Variants in XXYLT1 observed in about 807,000 individuals in gnomAD.
The protein encoded by XXYLT1 is xyloside xylosyltransferase 1.
A neutral mutation model predicts 28.9 loss-of-function variants in XXYLT1; 20 were observed. The ratio of observed to expected loss-of-function variants is 0.69; its 90% CI spans 0.49 to 1.00. The LOEUF (loss-of-function observed/expected upper bound fraction) is 1.00, where lower values mean the gene tolerates loss of function less well. Ranked by LOEUF, XXYLT1 falls within the 50% of genes least tolerant of loss-of-function variation. XXYLT1 has a pLI of 0.00. For synonymous variants in XXYLT1, 257 were observed against 253.8 expected, an observed-to-expected ratio of 1.01 and a Z score of -0.12; for missense variants, 542 against 560.1, an observed-to-expected ratio of 0.97 and a Z score of 0.33.
intron 1 of XXYLT1, among the ~76,000 whole-genome samples, chr3:195,233,737 GGTTT>G (rs1010877913): frequency 1.2e-4 from 18 of 152,000 alleles, no homozygotes; most frequent in Middle Eastern, 6.8e-3. Flanking sequence ...ATTTTTGATT[GGTTT>G]ATCTTTTCAT....
chr3:195,261,684 G>C (rs1725704480), intron 1 of XXYLT1, among the ~76,000 whole-genome samples: 1 of 152,026 alleles, frequency 6.6e-6, no homozygotes, highest in Non-Finnish European at 1.5e-5. Context: ...CTGTTTTTTG[G>C]GGTTTTTTTA....
chr3:195,234,028 T>C (rs1258413005), intron 1 of XXYLT1, among the ~76,000 whole-genome samples: 2 of 151,748 alleles, frequency 1.3e-5, no homozygotes, highest in African/African-American at 4.8e-5. Context: ...GCCATTCTCC[T>C]GCCTCAGCCT....
rs959230504 is a variant in XXYLT1, at chr3:195,176,037, C to T, written c.653-19456G>A. Among the ~76,000 whole-genome samples, 1 of 152,246 alleles carries T rather than the reference C, an allele frequency of 6.6e-6. No homozygotes were observed. The highest frequency in any genetic ancestry group is 3.4e-3 in the Middle Eastern group (1 of 294). On this transcript the variant is annotated intron_variant, in intron 2 of 3. Transcript: ENST00000310380. This position sits in a 1 kb window ranked among gnomAD's most constrained non-coding sequence, Gnocchi z 4.9. ...CAAGTAGACACAATCTTTTTTCTGC[C>T]CACACACCTAAAAGATATGACAGAA...
chr3:195,215,063 G>A (rs1723508716), intron 2 of XXYLT1, among the ~76,000 whole-genome samples: 1 of 150,354 alleles, frequency 6.7e-6, no homozygotes, highest in South Asian at 2.2e-4. Flanking sequence ...TTCATATCCA[G>A]CCAAACTAAG....
At chr3:195,253,007 C>A (rs180803563) in intron 1 of XXYLT1, among the ~76,000 whole-genome samples, 1 of 152,114 alleles carries the variant, frequency 6.6e-6, no homozygotes, top group Non-Finnish European at 1.5e-5. Context: ...CTCAAGGGAA[C>A]GTGGGAAAAT....
chr3:195,143,516 C>G (rs1176626247), intron 3 of XXYLT1, among the ~76,000 whole-genome samples: 1 of 152,030 alleles, frequency 6.6e-6, no homozygotes, highest in African/African-American at 2.4e-5. Context: ...TCACACAAAA[C>G]AAAACACAGA....
intron 3 of XXYLT1, among the ~76,000 whole-genome samples, chr3:195,144,075 T>G (rs13314605): frequency 0.36 from 53,296 of 146,796 alleles, 12,259 homozygotes; most frequent in East Asian, 0.8. Context: ...TGTATTTTTA[T>G]TAGAGACGGG....
chr3:195,239,106 C>G (rs1724674117), intron 1 of XXYLT1, among the ~76,000 whole-genome samples: 1 of 152,208 alleles, frequency 6.6e-6, no homozygotes. Context: ...AGCCTGCACC[C>G]ATGAATATTT....
Position 195,069,333 on chromosome 3 carries a change from C to T in XXYLT1, c.*382G>A, listed in dbSNP as rs1198039571. 1 of 200,788 alleles carries T rather than the reference C, an allele frequency of 5.0e-6. No individual in the cohort carries two copies. Among genetic ancestry groups the T allele is most frequent in the East Asian group, 1.2e-4 (1 of 8,434 alleles). 12.4% of individuals were successfully genotyped at this position (200,788 alleles called of 1,614,324 possible). A position where few individuals can be genotyped will look rare whatever the true frequency, so the allele number is the denominator to read the frequency against. On this transcript the variant is annotated 3_prime_UTR_variant, in exon 4 of 4. Transcript: ENST00000310380. ...TTGTACTTTCTCGAAAAATGGAAGG[C>T]TGTCAATTTAAATTAAATTTATATT...
chr3:195,255,612 G>GGCGCACAGAGC lies in XXYLT1; in HGVS notation c.504+14932_504+14942dup, dbSNP rs1202234665. On this transcript the variant is annotated intron_variant, in intron 1 of 3. Coordinates refer to ENST00000310380, the MANE Select transcript of XXYLT1 (RefSeq NM_152531.5). This position sits in a 1 kb window ranked among gnomAD's most constrained non-coding sequence, Gnocchi z 4.5. ...TAGAAACCAAAACAGAAGACAAACC[G>GGCGCACAGAGC]GCGCACAGAGCAAGCACAGCGTAGA... Among the ~76,000 whole-genome samples the GGCGCACAGAGC allele has an allele frequency of 2.0e-5, 3 of 152,162 alleles. No individual in the cohort carries two copies. The highest frequency in any genetic ancestry group is 4.4e-5 in the Non-Finnish European group (3 of 68,036).
intron 1 of XXYLT1, among the ~76,000 whole-genome samples, chr3:195,250,508 C>T (rs1199311657): frequency 6.7e-6 from 1 of 150,346 alleles, no homozygotes; most frequent in Admixed American, 6.7e-5. Flanking sequence ...AGGTTGCAGT[C>T]AGCAGAGATC....
chr3:195,099,451 A>C (rs540063509), intron 3 of XXYLT1, among the ~76,000 whole-genome samples: 2 of 152,340 alleles, frequency 1.3e-5, no homozygotes, highest in South Asian at 2.1e-4. Flanking sequence ...AGCTGAAAGT[A>C]AAATCCATTC....
rs746942696 is a variant in XXYLT1, at chr3:195,103,416, G to GCCAGCGGCCTGCGTCCATCACCCCACA, written c.786-33332_786-33306dup. Among the ~76,000 whole-genome samples the GCCAGCGGCCTGCGTCCATCACCCCACA allele has an allele frequency of 6.3e-4, 67 of 106,266 alleles. 2 individuals are homozygous for GCCAGCGGCCTGCGTCCATCACCCCACA. Among genetic ancestry groups the GCCAGCGGCCTGCGTCCATCACCCCACA allele is most frequent in the African/African-American group, 2.0e-3 (48 of 23,666 alleles). 69.7% of individuals were successfully genotyped at this position (106,266 alleles called of 152,430 possible). On this transcript the variant is annotated intron_variant, in intron 3 of 3. Transcript: ENST00000310380. ...CAGCGGCCTGCGTCCATCACCCCAC[G>GCCAGCGGCCTGCGTCCATCACCCCACA]CCAGCGGCCTGCGTCCATCACCCCA...
Position 195,255,238 on chromosome 3 carries a change from A to C in XXYLT1, c.504+15317T>G, listed in dbSNP as rs10933703. On this transcript the variant is annotated intron_variant, in intron 1 of 3. Coordinates refer to ENST00000310380, the MANE Select transcript of XXYLT1 (RefSeq NM_152531.5). The surrounding 1 kb of genome is among the most constrained non-coding windows in gnomAD (Gnocchi z 4.5). ...ATGCTCGCACAACAGGGAGCCGCCG[A>C]CCAGGCCTGGAGATCCCTGTGACAG... Among the ~76,000 whole-genome samples, 21,993 of 152,218 alleles carry C rather than the reference A, an allele frequency of 0.14. 3,554 individuals carry two copies. The highest frequency in any genetic ancestry group is 0.4 in the African/African-American group (16,389 of 41,484).
intron 3 of XXYLT1, among the ~76,000 whole-genome samples, chr3:195,089,570 T>C (rs1716016141): frequency 4.6e-5 from 7 of 151,674 alleles, no homozygotes; most frequent in Admixed American, 4.6e-4. Flanking sequence ...CGCTGCAAAA[T>C]CATGCCAAAA....
chr3:195,150,006 A>T lies in XXYLT1; in HGVS notation c.785+6443T>A, dbSNP rs1020125621. 6.6e-6 allele frequency among the ~76,000 whole-genome samples: 1 copy of T among 152,194 alleles called. No individual in the cohort carries two copies. Among genetic ancestry groups the T allele is most frequent in the Admixed American group, 6.5e-5 (1 of 15,278 alleles). ...CTAGGAAAGGGGTTAAGATGCTGAGAAGCCAAAAGATGAGCAATAATTTTG... is the reference window on the plus strand; with the variant it reads ...CTAGGAAAGGGGTTAAGATGCTGAGTAGCCAAAAGATGAGCAATAATTTTG... On this transcript the variant is annotated intron_variant, in intron 3 of 3. Coordinates refer to ENST00000310380, the MANE Select transcript of XXYLT1 (RefSeq NM_152531.5). The surrounding 1 kb of genome is among the most constrained non-coding windows in gnomAD (Gnocchi z 4.7).
intron 3 of XXYLT1, among the ~76,000 whole-genome samples, chr3:195,109,667 G>GT (rs1717372833): frequency 7.8e-6 from 1 of 128,630 alleles, no homozygotes; most frequent in African/African-American, 3.0e-5. Flanking sequence ...GCGTGTGTGT[G>GT]GTGTGTGTGT....
intron 3 of XXYLT1, among the ~76,000 whole-genome samples, chr3:195,106,481 GGTGTC>G (rs1438734198): frequency 7.2e-5 from 11 of 152,224 alleles, no homozygotes; most frequent in African/African-American, 2.4e-4. Flanking sequence ...GCCTCACGGC[GGTGTC>G]TACGCCGGGC....
At chr3:195,110,199 A>AG in intron 3 of XXYLT1, among the ~76,000 whole-genome samples, 1 of 5,438 alleles carries the variant, frequency 1.8e-4, no homozygotes, top group Non-Finnish European at 5.1e-4. Flanking sequence ...GGTGAGGTGT[A>AG]TGTGTGGTGT....
Sources: allele counts gnomAD v4.1 joint callset (sites outside exome capture counted in the v4.1 genomes callset), GRCh38; gene constraint gnomAD v4.1.1; non-coding constraint Gnocchi (gnomAD v3.1); transcripts MANE v1.5; gene names NCBI Gene and HGNC (gene_info 2026-07-23, HGNC 2026-07-21).